Variants in ZFHX3 observed in about 807,000 individuals in gnomAD.
The protein encoded by ZFHX3 is zinc finger homeobox protein 3.
ZFHX3 carries 42 observed loss-of-function variants against 279.1 expected under a neutral mutation model. The ratio of observed to expected loss-of-function variants is 0.15; its 90% CI spans 0.12 to 0.19. The LOEUF (loss-of-function observed/expected upper bound fraction) is 0.19, where lower values mean the gene tolerates loss of function less well. Ranked by LOEUF, ZFHX3 falls within the 10% of genes least tolerant of loss-of-function variation. ZFHX3 has a pLI of 1.00. For synonymous variants in ZFHX3, 2,293 were observed against 1,957.8 expected (o/e 1.17, Z -4.52); for missense variants, 4,981 against 4,754.0 (o/e 1.05, Z -1.40).
At chr16:73,699,740 T>C (rs2053229736) in intron 1 of ZFHX3, among the ~76,000 whole-genome samples, 1 of 152,138 alleles carries the variant, frequency 6.6e-6, no homozygotes, top group Non-Finnish European at 1.5e-5. Flanking sequence ...AACTGATAGT[T>C]CCCCAGGTGG....
intron 3 of ZFHX3, among the ~76,000 whole-genome samples, chr16:73,320,970 G>A (rs1352287385): frequency 6.6e-6 from 1 of 152,226 alleles, no homozygotes; most frequent in East Asian, 1.9e-4. Context: ...ATGAGCCACT[G>A]ACTCAGTTCC....
intron 3 of ZFHX3, among the ~76,000 whole-genome samples, chr16:73,414,587 G>A (rs2143470934): frequency 6.6e-6 from 1 of 152,324 alleles, no homozygotes; most frequent in South Asian, 2.1e-4. Context: ...ATCCCACTGG[G>A]GGAAATGAGA....
intron 2 of ZFHX3, among the ~76,000 whole-genome samples, chr16:73,654,257 C>T (rs1021358584): frequency 8.0e-5 from 12 of 149,690 alleles, no homozygotes; most frequent in Non-Finnish European, 1.5e-4. Context: ...TATTTAAGTA[C>T]GACATTTAAC....
intron 1 of ZFHX3, among the ~76,000 whole-genome samples, chr16:73,787,135 CAT>C (rs1034656401): frequency 6.6e-5 from 10 of 152,294 alleles, no homozygotes; most frequent in Admixed American, 5.9e-4. Flanking sequence ...TAAAGAAACT[CAT>C]GTGTTCAAGC....
chr16:73,037,707 A>C (rs946624875), intron 1 of ZFHX3, among the ~76,000 whole-genome samples: 14 of 152,190 alleles, frequency 9.2e-5, no homozygotes, highest in African/African-American at 3.4e-4. Flanking sequence ...AAAGTGACAC[A>C]GCCCAGGGCA....
chr16:73,630,231 A>C (rs1298333046), intron 2 of ZFHX3, among the ~76,000 whole-genome samples: 2 of 152,106 alleles, frequency 1.3e-5, no homozygotes, highest in African/African-American at 4.8e-5. Context: ...ACAAACAAAC[A>C]TCTCCAGATT....
chr16:73,365,629 T>C (rs2016516026), intron 3 of ZFHX3, among the ~76,000 whole-genome samples: 1 of 152,086 alleles, frequency 6.6e-6, no homozygotes, highest in Admixed American at 6.6e-5. Flanking sequence ...TAGTTCTGCT[T>C]CAGGAACTTA....
At chr16:72,871,028 T>C (rs1392357909) in intron 4 of ZFHX3, among the ~76,000 whole-genome samples, 1 of 152,184 alleles carries the variant, frequency 6.6e-6, no homozygotes, top group East Asian at 1.9e-4. Flanking sequence ...TCCGTCTTTA[T>C]GGAGAGAGTA....
chr16:73,041,814 C>T (rs1183701805), intron 1 of ZFHX3, among the ~76,000 whole-genome samples: 1 of 152,132 alleles, frequency 6.6e-6, no homozygotes, highest in Non-Finnish European at 1.5e-5. Flanking sequence ...CAGTCAAGGC[C>T]AAATGTACAT....
At chr16:73,427,159 G>T (rs2017824652) in intron 3 of ZFHX3, among the ~76,000 whole-genome samples, 1 of 152,176 alleles carries the variant, frequency 6.6e-6, no homozygotes, top group African/African-American at 2.4e-5. Context: ...AACCTAAAAA[G>T]AACTAAATTT....
At chr16:73,584,471 C>G (rs1251706754) in intron 2 of ZFHX3, among the ~76,000 whole-genome samples, 1 of 152,144 alleles carries the variant, frequency 6.6e-6, no homozygotes, top group Non-Finnish European at 1.5e-5. Context: ...AGAATAAAAT[C>G]AGCAATATGT....
intron 4 of ZFHX3, among the ~76,000 whole-genome samples, chr16:72,882,570 C>A (rs1206828544): frequency 6.6e-6 from 1 of 152,118 alleles, no homozygotes; most frequent in Non-Finnish European, 1.5e-5. Context: ...AGGCTGGGTA[C>A]GAGGCTGCAC....
rs766294787 is a variant in ZFHX3, at chr16:72,959,568, T to A, written c.578A>T (p.Gln193Leu). 2 of 1,614,228 alleles carry A rather than the reference T, an allele frequency of 1.2e-6. No homozygotes were observed. The highest frequency in any genetic ancestry group is 8.5e-7 in the Non-Finnish European group (1 of 1,180,032). Reference protein sequence around the residue: ...DPSCAAPVYPQIINTFHIASS... With the variant: ...DPSCAAPVYPLIINTFHIASS... ...GGCTATGTGGAAAGTGTTGATGATCTGCGGGTACACGGGTGCAGCACACGA... is the reference window on the plus strand; with the variant it reads ...GGCTATGTGGAAAGTGTTGATGATCAGCGGGTACACGGGTGCAGCACACGA... Residue 193 changes from glutamine to leucine, a missense_variant, in exon 2 of 10, where the codon CAG becomes CTG. Coordinates refer to ENST00000268489, the MANE Select transcript of ZFHX3 (RefSeq NM_006885.4).
chr16:73,636,609 T>A (rs1597039832), intron 2 of ZFHX3, among the ~76,000 whole-genome samples: 1 of 152,254 alleles, frequency 6.6e-6, no homozygotes, highest in Admixed American at 6.5e-5. Flanking sequence ...CTTTTCTATA[T>A]ATTAGCAATA....
At chr16:73,498,928 G>A (rs912341436) in intron 2 of ZFHX3, among the ~76,000 whole-genome samples, 5 of 152,110 alleles carry the variant, frequency 3.3e-5, no homozygotes, top group African/African-American at 1.2e-4. Flanking sequence ...GGATGGTGCT[G>A]GAAGATTCCA....
chr16:73,818,158 C>T (rs969622956), intron 1 of ZFHX3, among the ~76,000 whole-genome samples: 1 of 152,148 alleles, frequency 6.6e-6, no homozygotes, highest in East Asian at 1.9e-4. Flanking sequence ...GGGGATGCTG[C>T]AAGCATCACA....
intron 1 of ZFHX3, among the ~76,000 whole-genome samples, chr16:72,981,450 C>A (rs191866848): frequency 6.6e-6 from 1 of 152,180 alleles, no homozygotes; most frequent in Non-Finnish European, 1.5e-5. Context: ...CTTGACTCAA[C>A]GGGTTAAGAA....
intron 3 of ZFHX3, among the ~76,000 whole-genome samples, chr16:73,374,056 T>C (rs1420288681): frequency 6.6e-6 from 1 of 152,072 alleles, no homozygotes; most frequent in Non-Finnish European, 1.5e-5. Flanking sequence ...ATTTGCCAGA[T>C]CCTCCAGCCC....
chr16:73,090,338 G>A (rs1966057713), intron 8 of ZFHX3, among the ~76,000 whole-genome samples: 1 of 152,062 alleles, frequency 6.6e-6, no homozygotes. Flanking sequence ...GGTTGCAGTG[G>A]GCTGAGATGG....
Sources: gnomAD v4.1 joint callset for allele counts (sites outside exome capture counted in the v4.1 genomes callset) on GRCh38, gnomAD v4.1.1 for gene constraint, MANE v1.5 for transcripts, NCBI Gene and HGNC (gene_info 2026-07-23, HGNC 2026-07-21) for gene names.